Variants in MAN1A1 observed in about 807,000 individuals in gnomAD.
The protein encoded by MAN1A1 is mannosyl-oligosaccharide 1,2-alpha-mannosidase IA.
In MAN1A1, 29 loss-of-function variants were observed where a neutral mutation model predicts 70.8. The observed-to-expected ratio is 0.41, with a 90% CI of 0.31 to 0.56. The LOEUF (loss-of-function observed/expected upper bound fraction) is 0.56. MAN1A1 is among the 20% of genes least tolerant of loss of function. The pLI, the probability that MAN1A1 is intolerant of heterozygous loss-of-function variation, is 0.29. For synonymous variants in MAN1A1, 349 were observed against 330.1 expected, an observed-to-expected ratio of 1.06 and a Z score of -0.62; for missense variants, 747 against 841.3, an observed-to-expected ratio of 0.89 and a Z score of 1.39.
chr6:119,315,230 T>C (rs553567712), intron 2 of MAN1A1, among the ~76,000 whole-genome samples: 5 of 152,372 alleles, frequency 3.3e-5, no homozygotes, highest in East Asian at 1.9e-4. Flanking sequence ...TACTTCTAAG[T>C]TGGCAGGAGA....
Position 119,297,480 on chromosome 6 carries a change from A to G in MAN1A1, c.816+4508T>C, listed in dbSNP as rs148418043. ...GGACTCAAATTCTCTGACTGCGTAT[A>G]TATTTCTCAACTCTTTGCATTTCTT... On this transcript the variant is annotated intron_variant, in intron 4 of 12. Transcript: ENST00000368468. 4.2e-3 allele frequency among the ~76,000 whole-genome samples: 635 copies of G among 152,302 alleles called. 3 individuals are homozygous for G. Among genetic ancestry groups the G allele is most frequent in the Non-Finnish European group, 6.8e-3 (461 of 68,036 alleles).
At chr6:119,319,261 T>C (rs1442112906) in intron 2 of MAN1A1, among the ~76,000 whole-genome samples, 4 of 152,048 alleles carry the variant, frequency 2.6e-5, no homozygotes, top group Admixed American at 6.6e-5. Context: ...TTGTAAGTGA[T>C]GGCAAATATT....
intron 6 of MAN1A1, among the ~76,000 whole-genome samples, chr6:119,229,046 C>G (rs895705618): frequency 4.6e-5 from 7 of 152,006 alleles, no homozygotes; most frequent in Admixed American, 1.3e-4. Flanking sequence ...ACAGAGTATT[C>G]TCATTAGTAA....
chr6:119,215,965 G>A (rs142598405), intron 6 of MAN1A1, among the ~76,000 whole-genome samples: 42 of 152,252 alleles, frequency 2.8e-4, no homozygotes, highest in African/African-American at 9.1e-4. Flanking sequence ...GACCAGAAAC[G>A]ATCGAATGAA....
chr6:119,271,362 G>T (rs1775918406), intron 5 of MAN1A1, among the ~76,000 whole-genome samples: 1 of 151,992 alleles, frequency 6.6e-6, no homozygotes, highest in Non-Finnish European at 1.5e-5. Context: ...GTTTGCTCTA[G>T]GTAATACCTA....
chr6:119,202,052 A>T (rs1773727425), intron 7 of MAN1A1, among the ~76,000 whole-genome samples: 1 of 152,148 alleles, frequency 6.6e-6, no homozygotes, highest in African/African-American at 2.4e-5. Flanking sequence ...GCCATTATTA[A>T]TACATTTATA....
rs182055960 is a variant in MAN1A1, at chr6:119,314,313, T to C, written c.604-7321A>G. 1.1e-3 allele frequency among the ~76,000 whole-genome samples: 165 copies of C among 152,344 alleles called. 1 individual carries two copies. Among genetic ancestry groups the C allele is most frequent in the African/African-American group, 3.8e-3 (159 of 41,562 alleles). ...TCACTGGATGAGCAGTAGTTTCACA[T>C]TTTAGAAGTATTATTTTGTTCTACA... is the stretch of plus-strand genomic sequence containing the variant. On this transcript the variant is annotated intron_variant, in intron 2 of 12. Transcript: ENST00000368468.
chr6:119,217,145 G>A (rs1774228143), intron 6 of MAN1A1, among the ~76,000 whole-genome samples: 1 of 152,164 alleles, frequency 6.6e-6, no homozygotes. Flanking sequence ...GAATGGTCTA[G>A]TTGCTCACTA....
At position 119,204,857 on chromosome 6, in the gene MAN1A1, C is replaced by T; in HGVS notation, c.1018G>A (p.Ala340Thr). The part of the protein sequence containing the change: ...KSGIGRNWPW[A>T]SGGSSILAEF... ...GCCAGAATACTGCTGCCTCCAGAGGCCCAGGGCCAGTTCCTTCCAATACCA... is the reference window on the plus strand; with the variant it reads ...GCCAGAATACTGCTGCCTCCAGAGGTCCAGGGCCAGTTCCTTCCAATACCA... Residue 340 changes from alanine (A) to threonine (T), a missense_variant, in exon 7 of 13, where the codon GCC (alanine) becomes ACC (threonine). By Grantham distance (58) the Ala-to-Thr change is moderately conservative (BLOSUM62 0). Around this residue, in one of 2 missense-constraint regions of MAN1A1, gnomAD observed 419 missense variants for 548.2 expected, o/e 0.76. Transcript: ENST00000368468. The T allele has an allele frequency of 6.2e-7, 1 of 1,613,936 alleles. No homozygotes were observed. Among genetic ancestry groups the T allele is most frequent in the Non-Finnish European group, 8.5e-7 (1 of 1,179,892 alleles).
intron 2 of MAN1A1, among the ~76,000 whole-genome samples, chr6:119,320,188 G>A (rs565226587): frequency 2.0e-5 from 3 of 152,206 alleles, no homozygotes; most frequent in East Asian, 1.9e-4. Flanking sequence ...TGGCCAGGCT[G>A]GTCTCAGACT....
At position 119,284,681 on chromosome 6, in the gene MAN1A1, A is replaced by G. The variant is rs115212837; in HGVS notation, c.897+6002T>C. Among the ~76,000 whole-genome samples, 735 of 152,214 alleles carry G rather than the reference A, an allele frequency of 4.8e-3. 4 individuals are homozygous for G. The highest frequency in any genetic ancestry group is 0.017 in the African/African-American group (698 of 41,522). ...CTCTGGCTGCTTTCCAACAAATTTAATGTGATGCTTATACTGTAGTTGTTA... is the reference window on the plus strand; with the variant it reads ...CTCTGGCTGCTTTCCAACAAATTTAGTGTGATGCTTATACTGTAGTTGTTA... On this transcript the variant is annotated intron_variant, in intron 5 of 12. Transcript: ENST00000368468.
chr6:119,328,432 T>C (rs569883896), intron 2 of MAN1A1, among the ~76,000 whole-genome samples: 1 of 152,320 alleles, frequency 6.6e-6, no homozygotes, highest in Non-Finnish European at 1.5e-5. Context: ...CTTCACAGGG[T>C]TGGACTGTTA....
chr6:119,192,195 A>C (rs17513883), intron 9 of MAN1A1, among the ~76,000 whole-genome samples: 6,652 of 152,248 alleles, frequency 0.044, 201 homozygotes, highest in East Asian at 0.082. Flanking sequence ...GGCCAATTTA[A>C]GATTAGAATA....
intron 2 of MAN1A1, among the ~76,000 whole-genome samples, chr6:119,347,351 C>T (rs1205025744): frequency 1.3e-5 from 2 of 152,118 alleles, no homozygotes; most frequent in East Asian, 1.9e-4. Context: ...GATTACCTAC[C>T]CAATATGAAA....
intron 5 of MAN1A1, among the ~76,000 whole-genome samples, chr6:119,274,664 T>C (rs1776006291): frequency 6.6e-6 from 1 of 151,764 alleles, no homozygotes; most frequent in African/African-American, 2.4e-5. Flanking sequence ...AATGTATACC[T>C]TAACTGTCAC....
At chr6:119,278,664 C>A (rs771261898) in intron 5 of MAN1A1, among the ~76,000 whole-genome samples, 1 of 152,060 alleles carries the variant, frequency 6.6e-6, no homozygotes, top group African/African-American at 2.4e-5. Flanking sequence ...ATGTGCCCCC[C>A]CCAGTGTTGG....
chr6:119,314,591 A>G (rs1450543133), intron 2 of MAN1A1, among the ~76,000 whole-genome samples: 1 of 152,158 alleles, frequency 6.6e-6, no homozygotes, highest in South Asian at 2.1e-4. Context: ...TCCACTATAC[A>G]CTGAACAGAG....
chr6:119,268,727 C>A (rs1775828225), intron 5 of MAN1A1, among the ~76,000 whole-genome samples: 1 of 152,070 alleles, frequency 6.6e-6, no homozygotes, highest in African/African-American at 2.4e-5. Flanking sequence ...GCTGGGAGTA[C>A]AGGCATGTGC....
intron 6 of MAN1A1, among the ~76,000 whole-genome samples, chr6:119,219,904 T>C (rs1774311339): frequency 6.6e-6 from 1 of 150,480 alleles, no homozygotes; most frequent in Admixed American, 6.6e-5. Flanking sequence ...TACAACTTAG[T>C]AAGAAAAGCT....
Sources: allele counts gnomAD v4.1 joint callset (sites outside exome capture counted in the v4.1 genomes callset), GRCh38; gene constraint gnomAD v4.1.1; regional missense constraint gnomAD v4.1.1; transcripts MANE v1.5; gene names NCBI Gene and HGNC (gene_info 2026-07-23, HGNC 2026-07-21).